The following RGS7 variants were observed in gnomAD, a reference collection of about 807,000 sequenced individuals.
The protein encoded by RGS7 is regulator of G protein signaling 7.
RGS7 carries 27 observed loss-of-function variants against 81.1 expected under a neutral mutation model. That is an observed-to-expected ratio of 0.33 (90% CI 0.25 to 0.46). The LOEUF is 0.46. Among genes scored for constraint, RGS7 ranks in the 20% least tolerant of loss-of-function variants. The probability of loss-of-function intolerance (pLI) is 1.00; values close to 1 mark genes in which losing one functional copy is unlikely to be tolerated. For missense variants in RGS7, 396 were observed against 607.4 expected (o/e 0.65, Z 3.66); for synonymous variants, 208 against 207.7 (o/e 1.00, Z -0.01).
intron 2 of RGS7, among the ~76,000 whole-genome samples, chr1:241,335,617 G>A (rs772712623): frequency 4.6e-5 from 7 of 152,088 alleles, no homozygotes; most frequent in Non-Finnish European, 7.4e-5. Context: ...ATCAAGTGAT[G>A]TGTTAGGTCC....
chr1:240,787,981 T>C (rs895257328), intron 18 of RGS7, among the ~76,000 whole-genome samples: 1 of 152,210 alleles, frequency 6.6e-6, no homozygotes, highest in Non-Finnish European at 1.5e-5. Flanking sequence ...ATCTCAAATA[T>C]TGTGTTTGGT....
Position 241,315,684 on chromosome 1 carries a change from G to A in RGS7, c.78+40015C>T, listed in dbSNP as rs1007669848. Among the ~76,000 whole-genome samples, 19 of 152,082 alleles carry A rather than the reference G, an allele frequency of 1.2e-4. 1 individual carries two copies. Among genetic ancestry groups the A allele is most frequent in the Non-Finnish European group, 7.4e-5 (5 of 68,014 alleles). ...CCTTGTTTTCTGATTTGGATGCATCGTATTTCCTTTTCTAGCCTAACTGCC... is the reference window on the plus strand; with the variant it reads ...CCTTGTTTTCTGATTTGGATGCATCATATTTCCTTTTCTAGCCTAACTGCC... On this transcript the variant is annotated intron_variant, in intron 2 of 18. Transcript: ENST00000440928.
In RGS7 at chr1:241,047,733, C is replaced by CTTTT. The variant is rs34738551; in HGVS notation, c.175+50929_175+50932dup. Among the ~76,000 whole-genome samples, 372 of 89,526 alleles carry CTTTT rather than the reference C, an allele frequency of 4.2e-3. 7 individuals are homozygous for CTTTT. Among genetic ancestry groups the CTTTT allele is most frequent in the African/African-American group, 4.7e-3 (104 of 21,942 alleles). The allele number at this position is 89,526 out of a possible 152,430, so 58.7% of individuals were successfully genotyped here. On this transcript the variant is annotated intron_variant, in intron 3 of 18. Coordinates refer to ENST00000440928, the MANE Select transcript of RGS7 (RefSeq NM_001364886.1). ...CTCTGTCAAATAATTGTTTACAATCCTTTTTTTTTTTTTTTTTTTTTTTTG... is the reference window on the plus strand; with the variant it reads ...CTCTGTCAAATAATTGTTTACAATCCTTTTTTTTTTTTTTTTTTTTTTTTTTTTG...
At chr1:240,994,286 C>CAATA (rs1230942215) in intron 3 of RGS7, among the ~76,000 whole-genome samples, 4 of 152,142 alleles carry the variant, frequency 2.6e-5, no homozygotes. Context: ...GGCTTTTATA[C>CAATA]AAGGTTATTC....
At chr1:241,283,145 C>T (rs1454460268) in intron 2 of RGS7, among the ~76,000 whole-genome samples, 2 of 152,160 alleles carry the variant, frequency 1.3e-5, no homozygotes, top group Non-Finnish European at 2.9e-5. Context: ...TCAGACAGTG[C>T]TGTAGTTTTT....
intron 18 of RGS7, among the ~76,000 whole-genome samples, chr1:240,794,921 G>A (rs561136667): frequency 1.3e-5 from 2 of 151,744 alleles, no homozygotes; most frequent in East Asian, 3.9e-4. Flanking sequence ...GGTGGCTCAT[G>A]CTTGTAATCC....
chr1:241,081,637 G>A (rs2063139336), intron 3 of RGS7, among the ~76,000 whole-genome samples: 1 of 152,208 alleles, frequency 6.6e-6, no homozygotes, highest in African/African-American at 2.4e-5. Context: ...ACAATGAATG[G>A]ATCACGTCAG....
At chr1:241,220,384 A>C (rs1183300713) in intron 2 of RGS7, among the ~76,000 whole-genome samples, 1 of 152,168 alleles carries the variant, frequency 6.6e-6, no homozygotes, top group Non-Finnish European at 1.5e-5. Context: ...ATTAAATCAC[A>C]ATGTCTAGAG....
intron 2 of RGS7, among the ~76,000 whole-genome samples, chr1:241,273,744 T>C (rs1313822912): frequency 6.6e-6 from 1 of 152,186 alleles, no homozygotes; most frequent in Non-Finnish European, 1.5e-5. Flanking sequence ...TCCTCTCTCC[T>C]GCTCTACCCC....
At chr1:241,194,421 A>G (rs2072917110) in intron 2 of RGS7, among the ~76,000 whole-genome samples, 1 of 152,210 alleles carries the variant, frequency 6.6e-6, no homozygotes, top group South Asian at 2.1e-4. Context: ...AAATCAGATG[A>G]AATTGTGAAG....
intron 3 of RGS7, among the ~76,000 whole-genome samples, chr1:241,095,516 A>C (rs1261184466): frequency 3.3e-5 from 5 of 152,088 alleles, no homozygotes; most frequent in Admixed American, 3.3e-4. Flanking sequence ...TCAACCAGGC[A>C]TGGTGGCAGG....
chr1:241,233,843 A>T (rs1168463492), intron 2 of RGS7, among the ~76,000 whole-genome samples: 1 of 150,992 alleles, frequency 6.6e-6, no homozygotes, highest in East Asian at 1.9e-4. Context: ...TGTTTTCCAC[A>T]GTGGCTGTAC....
At chr1:240,791,634 C>T (rs1444259541) in intron 18 of RGS7, among the ~76,000 whole-genome samples, 3 of 152,156 alleles carry the variant, frequency 2.0e-5, no homozygotes, top group Non-Finnish European at 4.4e-5. Context: ...TATGAAGCTA[C>T]ATGTGTCTTT....
At chr1:241,105,542 C>A (rs1285476040) in intron 2 of RGS7, among the ~76,000 whole-genome samples, 6 of 152,196 alleles carry the variant, frequency 3.9e-5, no homozygotes, top group Non-Finnish European at 7.3e-5. Context: ...TCAAGAGGGG[C>A]TGCCAGACAG....
At chr1:240,974,742 T>G (rs1683800632) in intron 4 of RGS7, among the ~76,000 whole-genome samples, 1 of 152,234 alleles carries the variant, frequency 6.6e-6, no homozygotes. Flanking sequence ...GTATAAAAGT[T>G]GTATGCATTT....
intron 15 of RGS7, among the ~76,000 whole-genome samples, chr1:240,804,461 C>CAAA (rs547221973): frequency 0.05 from 7,508 of 150,802 alleles, 604 homozygotes; most frequent in African/African-American, 0.17. Flanking sequence ...TTAAAAACCA[C>CAAA]AAAAAAAACT....
At chr1:241,300,667 A>G (rs979664853) in intron 2 of RGS7, among the ~76,000 whole-genome samples, 2 of 152,224 alleles carry the variant, frequency 1.3e-5, no homozygotes, top group Non-Finnish European at 2.9e-5. Context: ...CACCCACTAA[A>G]AGACATTTTG....
intron 3 of RGS7, among the ~76,000 whole-genome samples, chr1:240,996,186 T>C (rs1197669546): frequency 1.3e-5 from 2 of 152,198 alleles, no homozygotes; most frequent in Admixed American, 1.3e-4. Context: ...TTAAAACTTA[T>C]TATGATGTGT....
chr1:241,332,762 G>A (rs367990539), intron 2 of RGS7, among the ~76,000 whole-genome samples: 5 of 152,268 alleles, frequency 3.3e-5, no homozygotes, highest in South Asian at 2.1e-4. Context: ...CTTCTTTGGC[G>A]AGTTTAGTAT....
Sources: allele counts gnomAD v4.1 joint callset (sites outside exome capture counted in the v4.1 genomes callset), GRCh38; gene constraint gnomAD v4.1.1; transcripts MANE v1.5; gene names NCBI Gene and HGNC (gene_info 2026-07-23, HGNC 2026-07-21).